The following FAM204A variants were observed in gnomAD, a reference collection of about 807,000 sequenced individuals.
The protein encoded by FAM204A is protein FAM204A.
Under a neutral mutation model 35.4 loss-of-function variants are expected in FAM204A, and 16 were observed. That is an observed-to-expected ratio of 0.45 (90% confidence interval 0.31 to 0.69). FAM204A has a LOEUF of 0.69. FAM204A is among the 30% of genes least tolerant of loss of function. The pLI, the probability that FAM204A is intolerant of heterozygous loss-of-function variation, is 0.07. For missense variants in FAM204A, 240 were observed against 265.7 expected, an observed-to-expected ratio of 0.90 and a Z score of 0.67; for synonymous variants, 76 against 86.9, an observed-to-expected ratio of 0.88 and a Z score of 0.70.
Position 118,308,955 on chromosome 10 carries a change from T to C in FAM204A, c.*1902A>G, listed in dbSNP as rs569305350. 3.9e-5 allele frequency: 6 copies of C among 152,088 alleles called. No individual in the cohort carries two copies. The highest frequency in any genetic ancestry group is 1.4e-4 in the African/African-American group (6 of 41,482). 9.4% of individuals were successfully genotyped at this position (152,088 alleles called of 1,614,324 possible). ...GGGGCCCCAAGTGTGAGAATATCTATACCACTCGCCTGCTCAAAAATAACA... is the reference window on the plus strand; with the variant it reads ...GGGGCCCCAAGTGTGAGAATATCTACACCACTCGCCTGCTCAAAAATAACA... On this transcript the variant is annotated 3_prime_UTR_variant, in exon 9 of 9. Transcript: ENST00000369183.
In FAM204A at chr10:118,299,112, T is replaced by G. The variant is rs1241949121; in HGVS notation, c.*11745A>C. 2 of 152,172 alleles carry G rather than the reference T, an allele frequency of 1.3e-5. No homozygotes were observed. The highest frequency in any genetic ancestry group is 2.9e-5 in the Non-Finnish European group (2 of 68,050). 9.4% of individuals were successfully genotyped at this position (152,172 alleles called of 1,614,324 possible). On this transcript the variant is annotated 3_prime_UTR_variant, in exon 9 of 9. Transcript: ENST00000369183. Reference sequence around the variant, plus strand: ...TTTCTTGTCTTGGGCAGCAGATCATTCCTTTTTCAGCTTCCAAATGGGGAA... The same window carrying G: ...TTTCTTGTCTTGGGCAGCAGATCATGCCTTTTTCAGCTTCCAAATGGGGAA...
chr10:118,303,155 TA>T lies in FAM204A; in HGVS notation c.*7701del, dbSNP rs1290698838. ...TTCCCAGCACCTTGATTTCCTCATC[TA>T]AAAAACAAGTATAATGTGTCTTTGG... On this transcript the variant is annotated 3_prime_UTR_variant, in exon 9 of 9. Transcript: ENST00000369183. 1 of 152,210 alleles carries T rather than the reference TA, an allele frequency of 6.6e-6. No homozygotes were observed. The highest frequency in any genetic ancestry group is 1.9e-4 in the East Asian group (1 of 5,192). The allele number at this position is 152,210 out of a possible 1,614,324, so 9.4% of individuals were successfully genotyped here.
At chr10:118,342,231 G>C (rs1358735298) in intron 1 of FAM204A, 39 bp downstream of exon 1, 1 of 152,288 alleles carries the variant, frequency 6.6e-6, no homozygotes, top group Non-Finnish European at 1.5e-5. Context: ...GCCGGAGCCC[G>C]AACCGGCGGG....
Position 118,307,400 on chromosome 10 carries a change from G to T in FAM204A, c.*3457C>A, listed in dbSNP as rs1370308908. On this transcript the variant is annotated 3_prime_UTR_variant, in exon 9 of 9. Transcript: ENST00000369183. ...GCAGGAAAAAATATTGAACTGACAT[G>T]CAAAGCATTTGTTGCTCTGCCAGAT... 1 of 152,216 alleles carries T rather than the reference G, an allele frequency of 6.6e-6. No homozygotes were observed. The highest frequency in any genetic ancestry group is 1.5e-5 in the Non-Finnish European group (1 of 68,038). The allele number at this position is 152,216 out of a possible 1,614,324, so 9.4% of individuals were successfully genotyped here.
chr10:118,324,259 C>T (rs1338037723), intron 7 of FAM204A, among the ~76,000 whole-genome samples: 1 of 151,942 alleles, frequency 6.6e-6, no homozygotes, highest in African/African-American at 2.4e-5. Flanking sequence ...CTGTATCTTA[C>T]AAGAAAAAAA....
chr10:118,323,778 T>C (rs1846156018), intron 7 of FAM204A, among the ~76,000 whole-genome samples: 1 of 152,084 alleles, frequency 6.6e-6, no homozygotes, highest in Non-Finnish European at 1.5e-5. Context: ...CAAGTACAAT[T>C]ACTTGAAAGT....
intron 7 of FAM204A, among the ~76,000 whole-genome samples, chr10:118,322,806 T>G (rs577616885): frequency 3.3e-5 from 5 of 151,968 alleles, no homozygotes; most frequent in East Asian, 1.9e-4. Context: ...ATAAAGGGTG[T>G]TGTTGTTTTT....
rs1453930814 is a variant in FAM204A at position 118,336,181 on chromosome 10, C to T, written c.234+1G>A. The T allele has an allele frequency of 6.2e-7, 1 of 1,612,500 alleles. No homozygotes were observed. The highest frequency in any genetic ancestry group is 8.5e-7 in the Non-Finnish European group (1 of 1,179,220). On this transcript the variant is annotated splice_donor_variant, in intron 3 of 8. Transcript: ENST00000369183. LOFTEE classifies it high-confidence loss of function. ...GCAAGAGCATTTCAGAGAAAACCTA[C>T]ATTCCACATATCTATGGGAATTCCA... is the stretch of plus-strand genomic sequence containing the variant.
At chr10:118,340,316 A>G (rs1846456819) in intron 2 of FAM204A, among the ~76,000 whole-genome samples, 1 of 152,228 alleles carries the variant, frequency 6.6e-6, no homozygotes, top group Non-Finnish European at 1.5e-5. Context: ...TACAGGGGGA[A>G]AAAGTCTTCA....
rs1845898964 is a variant in FAM204A, at chr10:118,308,480, AAAT to A, written c.*2374_*2376del. ...GAAAGGATAAAATAAAACTGCTCTC[AAAT>A]GACATGTCAGCAGGGCCAATCCAAG... On this transcript the variant is annotated 3_prime_UTR_variant, in exon 9 of 9. Transcript: ENST00000369183. The A allele has an allele frequency of 6.6e-6, 1 of 152,194 alleles. No homozygotes were observed. Among genetic ancestry groups the A allele is most frequent in the Non-Finnish European group, 1.5e-5 (1 of 68,044 alleles). The allele number at this position is 152,194 out of a possible 1,614,324, so 9.4% of individuals were successfully genotyped here. A position where few individuals can be genotyped will look rare whatever the true frequency, so the allele number is the denominator to read the frequency against.
chr10:118,336,136 G>C (rs780305501), intron 3 of FAM204A, 46 bp downstream of exon 3: 1 of 1,587,482 alleles, frequency 6.3e-7, no homozygotes, highest in Non-Finnish European at 8.6e-7. Context: ...ACAGAGGCAT[G>C]TGCACACACA....
Position 118,326,188 on chromosome 10 carries a change from G to A in FAM204A, c.509C>T (p.Ala170Val). ...AGCTAGCTGGTTGCTGAGTTCCTCA[G>A]CCTTCTCAATATTCCACTCCTCCAC... ...QAVEEWNIEK[A>V]EELSNQLATR... The change falls in exon 7 of 9, where the codon GCT (alanine) becomes GTT (valine). Residue 170 changes from alanine to valine, a missense_variant. Ala to Val is a moderately conservative substitution (Grantham distance 64). Around this residue, in one of 2 missense-constraint regions of FAM204A, gnomAD observed 232 missense variants for 242.8 expected, o/e 0.96. Transcript: ENST00000369183. The A allele has an allele frequency of 1.2e-6, 2 of 1,613,896 alleles. No homozygotes were observed.
At chr10:118,319,427 A>G (rs563369104) in intron 7 of FAM204A, among the ~76,000 whole-genome samples, 1 of 152,142 alleles carries the variant, frequency 6.6e-6, no homozygotes, top group Non-Finnish European at 1.5e-5. Flanking sequence ...TTGAAATCCA[A>G]AAATCTAAGC....
chr10:118,306,401 T>TA lies in FAM204A; in HGVS notation c.*4455dup, dbSNP rs1460271956. The TA allele has an allele frequency of 4.6e-5, 7 of 152,232 alleles. No homozygotes were observed. The highest frequency in any genetic ancestry group is 1.0e-4 in the Non-Finnish European group (7 of 68,034). The allele number at this position is 152,232 out of a possible 1,614,324, so 9.4% of individuals were successfully genotyped here. A position where few individuals can be genotyped will look rare whatever the true frequency, so the allele number is the denominator to read the frequency against. ...TGGTCCGGATATAAAAGCACATACTTAAATTCAATTTCTTAAAAATGTCAT... is the reference window on the plus strand; with the variant it reads ...TGGTCCGGATATAAAAGCACATACTTAAAATTCAATTTCTTAAAAATGTCAT... On this transcript the variant is annotated 3_prime_UTR_variant, in exon 9 of 9. Transcript: ENST00000369183.
rs1846366414 is a variant in FAM204A at position 118,335,410 on chromosome 10, T to C, written c.339A>G (p.Glu113=). Residue 113 remains glutamate (E), a synonymous_variant, in exon 5 of 9, where the codon GAA becomes GAG. Coordinates refer to ENST00000369183, the MANE Select transcript of FAM204A (RefSeq NM_022063.3). ...KRSRKDKLKN[E]KELHSEPSSN... is the part of the protein sequence containing the mutation. ...ATTCTACCTACCTATGTAATTCTTT[T>C]TCATTCTTCAATTTATCTGAAAAGA... 6 of 1,594,566 alleles carry C rather than the reference T, an allele frequency of 3.8e-6. No individual in the cohort carries two copies. Among genetic ancestry groups the C allele is most frequent in the African/African-American group, 1.3e-5 (1 of 74,202 alleles).
At chr10:118,325,031 AAC>A (rs1846176499) in intron 7 of FAM204A, among the ~76,000 whole-genome samples, 1 of 152,070 alleles carries the variant, frequency 6.6e-6, no homozygotes, top group Non-Finnish European at 1.5e-5. Flanking sequence ...ACACACATTA[AAC>A]ACAGAAGTAT....
chr10:118,298,829 C>G lies in FAM204A; in HGVS notation c.*12028G>C, dbSNP rs1203062257. ...TGCAAAGCCTTCACTGATTCGGGAA[C>G]CTCAAATGCGTTTTCATTGTTAGGT... On this transcript the variant is annotated 3_prime_UTR_variant, in exon 9 of 9. Transcript: ENST00000369183. The G allele has an allele frequency of 6.6e-6, 1 of 152,148 alleles. No homozygotes were observed. 9.4% of individuals were successfully genotyped at this position (152,148 alleles called of 1,614,324 possible).
In FAM204A at chr10:118,309,471, T is replaced by C. The variant is rs2119785903; in HGVS notation, c.*1386A>G. On this transcript the variant is annotated 3_prime_UTR_variant, in exon 9 of 9. Transcript: ENST00000369183. ...CCAGAGAAAGTTTATATCAGACAGG[T>C]AGGAAACCTCTGACAACGACAGAAG... The C allele has an allele frequency of 1.3e-5, 2 of 152,316 alleles. No individual in the cohort carries two copies. The highest frequency in any genetic ancestry group is 1.9e-4 in the East Asian group (1 of 5,186). The allele number at this position is 152,316 out of a possible 1,614,324, so 9.4% of individuals were successfully genotyped here. A position where few individuals can be genotyped will look rare whatever the true frequency, so the allele number is the denominator to read the frequency against.
chr10:118,319,524 A>G (rs1330629112), intron 7 of FAM204A, among the ~76,000 whole-genome samples: 1 of 152,018 alleles, frequency 6.6e-6, no homozygotes, highest in Non-Finnish European at 1.5e-5. Context: ...TAAAGAGGGT[A>G]CCATTAAAAT....
Sources: gnomAD v4.1 joint callset for allele counts (sites outside exome capture counted in the v4.1 genomes callset) on GRCh38, gnomAD v4.1.1 for gene constraint, gnomAD v4.1.1 regional missense constraint, MANE v1.5 for transcripts, NCBI Gene and HGNC (gene_info 2026-07-23, HGNC 2026-07-21) for gene names.